Variants in PNPLA8 observed in about 807,000 individuals in gnomAD.
PNPLA8 encodes the protein calcium-independent phospholipase A2-gamma.
Under a neutral mutation model 76.9 loss-of-function variants are expected in PNPLA8, and 39 were observed. The observed-to-expected ratio is 0.51, with a 90% CI of 0.39 to 0.66. PNPLA8 has a LOEUF of 0.66. Among genes scored for constraint, PNPLA8 ranks in the 30% least tolerant of loss-of-function variants. The pLI, the probability that PNPLA8 is intolerant of heterozygous loss-of-function variation, is 0.00. For synonymous variants in PNPLA8, 301 were observed against 307.9 expected, an observed-to-expected ratio of 0.98 and a Z score of 0.24; for missense variants, 887 against 918.0, an observed-to-expected ratio of 0.97 and a Z score of 0.44.
At chr7:108,504,870 A>C (rs1862228752) in intron 4 of PNPLA8, among the ~76,000 whole-genome samples, 1 of 152,044 alleles carries the variant, frequency 6.6e-6, no homozygotes, top group South Asian at 2.1e-4. Context: ...TGAGGTTGGG[A>C]GTTCGAGACC....
At chr7:108,510,545 C>T (rs1409805341) in intron 4 of PNPLA8, 21 of 1,401,368 alleles carry the variant, frequency 1.5e-5, no homozygotes, top group African/African-American at 4.2e-5. Flanking sequence ...CCCAAAGGTC[C>T]GAAAGGTGTT....
chr7:108,507,277 A>G (rs1862512405), intron 4 of PNPLA8, among the ~76,000 whole-genome samples: 1 of 124,614 alleles, frequency 8.0e-6, no homozygotes, highest in South Asian at 2.7e-4. Flanking sequence ...CCGGAGGTGG[A>G]GGTTGCAGTG....
intron 9 of PNPLA8, among the ~76,000 whole-genome samples, chr7:108,481,692 C>T (rs757739483): frequency 6.6e-6 from 1 of 152,092 alleles, no homozygotes; most frequent in African/African-American, 2.4e-5. Context: ...TGATGAAGTC[C>T]AGTTTATCAA....
intron 4 of PNPLA8, chr7:108,510,223 G>A (rs960769874): frequency 2.3e-5 from 29 of 1,268,344 alleles, no homozygotes; most frequent in Admixed American, 1.1e-4. Flanking sequence ...CTCTTTTTCC[G>A]GCTGGAACCA....
intron 2 of PNPLA8, among the ~76,000 whole-genome samples, chr7:108,516,888 C>G (rs997146341): frequency 1.3e-5 from 2 of 150,990 alleles, no homozygotes; most frequent in African/African-American, 4.9e-5. Flanking sequence ...GGTGATAGAG[C>G]CAGGCTTTGT....
chr7:108,515,373 C>T lies in PNPLA8; in HGVS notation c.119G>A (p.Arg40Lys). ...YFLFSPKHYWRISHISLQRGF... is the reference protein window; with the variant it reads ...YFLFSPKHYWKISHISLQRGF... Reference sequence around the variant, plus strand: ...TCTTTGTAGACTGATGTGGCTTATCCTCCAGTAATGCTTAGGTGAGAACAA... The same window carrying T: ...TCTTTGTAGACTGATGTGGCTTATCTTCCAGTAATGCTTAGGTGAGAACAA... Residue 40 changes from arginine (R) to lysine (K), a missense_variant, in exon 3 of 11, where the codon AGG becomes AAG. Transcript: ENST00000257694. 6.2e-7 allele frequency: 1 copy of T among 1,613,506 alleles called. No individual in the cohort carries two copies. Among genetic ancestry groups the T allele is most frequent in the African/African-American group, 1.3e-5 (1 of 75,032 alleles).
At chr7:108,502,256 A>G (rs909147278) in intron 5 of PNPLA8, among the ~76,000 whole-genome samples, 26 of 151,908 alleles carry the variant, frequency 1.7e-4, no homozygotes, top group African/African-American at 5.3e-4. Context: ...CAACCTGGCC[A>G]ATATGGTGAA....
intron 4 of PNPLA8, among the ~76,000 whole-genome samples, chr7:108,508,907 G>C (rs1356237708): frequency 1.9e-4 from 22 of 116,298 alleles, no homozygotes; most frequent in African/African-American, 4.2e-4. Context: ...ACAAACCTGA[G>C]AAAAACAAGC....
At chr7:108,512,560 G>T (rs1246205461) in intron 4 of PNPLA8, among the ~76,000 whole-genome samples, 2 of 151,844 alleles carry the variant, frequency 1.3e-5, no homozygotes, top group South Asian at 4.1e-4. Context: ...CTTAAATATG[G>T]TAGACACATA....
chr7:108,499,645 G>T (rs1861803290), intron 5 of PNPLA8, among the ~76,000 whole-genome samples: 2 of 152,148 alleles, frequency 1.3e-5, no homozygotes, highest in Admixed American at 6.5e-5. Context: ...AAGTGGCAGT[G>T]CTCTAGTTGT....
chr7:108,485,828 T>A (rs1860702610), intron 9 of PNPLA8, among the ~76,000 whole-genome samples: 1 of 152,090 alleles, frequency 6.6e-6, no homozygotes, highest in African/African-American at 2.4e-5. Context: ...CTAGATTCCA[T>A]TTTAATATTT....
At chr7:108,506,620 AC>A (rs984802866) in intron 4 of PNPLA8, among the ~76,000 whole-genome samples, 2 of 152,194 alleles carry the variant, frequency 1.3e-5, no homozygotes, top group African/African-American at 4.8e-5. Flanking sequence ...ATATTCCCAA[AC>A]TGCAAACCAT....
rs555188489 is a variant in PNPLA8, at chr7:108,513,674, A to G, written c.1206+470T>C. Reference sequence around the variant, plus strand: ...CATTATTTTATAGTTGAAAAAACTGAGGCAAAGAAAAGCTCATTGTTTTAC... The same window carrying G: ...CATTATTTTATAGTTGAAAAAACTGGGGCAAAGAAAAGCTCATTGTTTTAC... On this transcript the variant is annotated intron_variant, in intron 4 of 10. Transcript: ENST00000257694. Among the ~76,000 whole-genome samples the G allele has an allele frequency of 3.3e-5, 5 of 152,234 alleles. No homozygotes were observed. In the South Asian group the frequency reaches 1.0e-3, roughly 32 times the overall value.
chr7:108,473,518 C>A (rs1859769314), intron 10 of PNPLA8, among the ~76,000 whole-genome samples: 1 of 152,092 alleles, frequency 6.6e-6, no homozygotes, highest in Non-Finnish European at 1.5e-5. Flanking sequence ...GTATTCCAAC[C>A]ACTAATATAT....
intron 7 of PNPLA8, among the ~76,000 whole-genome samples, chr7:108,492,552 AC>A (rs1483523112): frequency 6.8e-5 from 7 of 102,344 alleles, no homozygotes; most frequent in Non-Finnish European, 1.5e-4. Context: ...TAGTGAATTC[AC>A]TTATGAATAT....
intron 4 of PNPLA8, among the ~76,000 whole-genome samples, chr7:108,511,639 G>A (rs1862940427): frequency 6.6e-6 from 1 of 152,186 alleles, no homozygotes; most frequent in Non-Finnish European, 1.5e-5. Context: ...TGAAGAAGGT[G>A]TGGCTGAAGG....
intron 2 of PNPLA8, among the ~76,000 whole-genome samples, chr7:108,516,278 A>G (rs190000746): frequency 1.3e-5 from 2 of 152,348 alleles, no homozygotes; most frequent in South Asian, 2.1e-4. Flanking sequence ...AAATAGATCA[A>G]TGGAACAGAA....
Position 108,526,031 on chromosome 7 carries a change from G to A in PNPLA8, c.-132C>T. 1.0e-6 allele frequency: 1 copy of A among 985,220 alleles called. No homozygotes were observed. The highest frequency in any genetic ancestry group is 1.2e-6 in the Non-Finnish European group (1 of 829,646). The allele number at this position is 985,220 out of a possible 1,614,324, so 61.0% of individuals were successfully genotyped here. A position where few individuals can be genotyped will look rare whatever the true frequency, so the allele number is the denominator to read the frequency against. On this transcript the variant is annotated splice_region_variant and 5_prime_UTR_variant, in exon 1 of 11. Coordinates refer to ENST00000257694, the MANE Select transcript of PNPLA8 (RefSeq NM_001256007.3). ...CCTGTCCCCTCGCGGCTACTTACCGGGATGCAGGCCGCAGTCACTAGGGCT... is the reference window on the plus strand; with the variant it reads ...CCTGTCCCCTCGCGGCTACTTACCGAGATGCAGGCCGCAGTCACTAGGGCT...
rs1052802609 is a variant in PNPLA8 at position 108,499,376 on chromosome 7, A to T, written c.1359-1799T>A. 5.3e-5 allele frequency among the ~76,000 whole-genome samples: 8 copies of T among 152,206 alleles called. 1 individual carries two copies. The highest frequency in any genetic ancestry group is 1.2e-4 in the Non-Finnish European group (8 of 68,014). On this transcript the variant is annotated intron_variant, in intron 5 of 10. Transcript: ENST00000257694. ...ACGTATATATCTGCCAAGTTGCCAC[A>T]GCTGTCTGTGTCTACCACTGTAGGT... is the stretch of plus-strand genomic sequence containing the variant.
Sources: allele counts gnomAD v4.1 joint callset (sites outside exome capture counted in the v4.1 genomes callset), GRCh38; gene constraint gnomAD v4.1.1; transcripts MANE v1.5; gene names NCBI Gene and HGNC (gene_info 2026-07-23, HGNC 2026-07-21).